Variants in RELN observed in about 807,000 individuals in gnomAD.
The protein encoded by RELN is reelin.
RELN carries 108 observed loss-of-function variants against 427.6 expected under a neutral mutation model. That is an observed-to-expected ratio of 0.25 (90% confidence interval 0.22 to 0.30). RELN has a LOEUF of 0.30. RELN is among the 10% of genes least tolerant of loss of function. RELN has a pLI of 1.00. For missense variants in RELN, 3,715 were observed against 4,302.8 expected (o/e 0.86, Z 3.82); for synonymous variants, 1,524 against 1,513.4 (o/e 1.01, Z -0.16).
intron 2 of RELN, among the ~76,000 whole-genome samples, chr7:103,878,390 G>C (rs1316459891): frequency 1.3e-5 from 2 of 152,032 alleles, no homozygotes; most frequent in East Asian, 3.9e-4. Context: ...CCAAATTGTG[G>C]GATATTTATC....
At chr7:103,937,299 C>A (rs1353929243) in intron 1 of RELN, among the ~76,000 whole-genome samples, 1 of 152,190 alleles carries the variant, frequency 6.6e-6, no homozygotes, top group Non-Finnish European at 1.5e-5. Context: ...TTAGAGACTG[C>A]AATTTGGAGG....
chr7:103,925,529 T>A (rs1795713383), intron 1 of RELN, among the ~76,000 whole-genome samples: 1 of 152,150 alleles, frequency 6.6e-6, no homozygotes, highest in Non-Finnish European at 1.5e-5. Flanking sequence ...ATAATACTCA[T>A]CCATGAAAAT....
At chr7:103,530,344 G>A (rs1584268280) in intron 46 of RELN, among the ~76,000 whole-genome samples, 1 of 152,300 alleles carries the variant, frequency 6.6e-6, no homozygotes, top group African/African-American at 2.4e-5. Flanking sequence ...ATTAGTGACT[G>A]GGTTTTAATC....
Position 103,926,099 on chromosome 7 carries a change from C to CTTTTTTTTTTTT in RELN, c.227-8926_227-8915dup, listed in dbSNP as rs55899563. Among the ~76,000 whole-genome samples the CTTTTTTTTTTTT allele has an allele frequency of 4.9e-4, 44 of 90,060 alleles. 4 individuals are homozygous for CTTTTTTTTTTTT. Among genetic ancestry groups the CTTTTTTTTTTTT allele is most frequent in the African/African-American group, 4.8e-4 (11 of 22,886 alleles). 59.1% of individuals were successfully genotyped at this position (90,060 alleles called of 152,430 possible). A position where few individuals can be genotyped will look rare whatever the true frequency, so the allele number is the denominator to read the frequency against. On this transcript the variant is annotated intron_variant, in intron 1 of 64. Coordinates refer to ENST00000428762, the MANE Select transcript of RELN (RefSeq NM_005045.4). ...CATAAATATATGACCCCCACCCCGC[C>CTTTTTTTTTTTT]TTTTTTTTTTTTTTTTTTTTGAGAT...
intron 3 of RELN, among the ~76,000 whole-genome samples, chr7:103,831,830 A>G (rs1327103969): frequency 1.3e-5 from 2 of 152,166 alleles, no homozygotes; most frequent in African/African-American, 4.8e-5. Flanking sequence ...GCTTAGCCAA[A>G]TTTTGAGTAA....
At position 103,654,209 on chromosome 7, in the gene RELN, C is replaced by A. The variant is rs757926281; in HGVS notation, c.1442-4G>T. 3 of 1,570,430 alleles carry A rather than the reference C, an allele frequency of 1.9e-6. No homozygotes were observed. Among genetic ancestry groups the A allele is most frequent in the Admixed American group, 1.7e-5 (1 of 59,702 alleles). ...TTTCCAGGGTCACAAATTCCTCCTG[C>A]ACAAAACAAAAATTTTAAGTTGCTA... On this transcript the variant is annotated splice_polypyrimidine_tract_variant and splice_region_variant and intron_variant, in intron 12 of 64. Transcript: ENST00000428762.
chr7:103,863,196 C>G (rs985924765), intron 2 of RELN, among the ~76,000 whole-genome samples: 1 of 152,010 alleles, frequency 6.6e-6, no homozygotes, highest in African/African-American at 2.4e-5. Context: ...GTGAAGGTGT[C>G]AAGATGCTTA....
At chr7:103,532,348 G>A (rs1050519352) in intron 46 of RELN, among the ~76,000 whole-genome samples, 1 of 152,040 alleles carries the variant, frequency 6.6e-6, no homozygotes, top group African/African-American at 2.4e-5. Context: ...TGGATGCTGG[G>A]CTTAGTACCT....
intron 16 of RELN, among the ~76,000 whole-genome samples, chr7:103,643,133 T>C (rs1038263470): frequency 6.6e-6 from 1 of 152,098 alleles, no homozygotes; most frequent in Non-Finnish European, 1.5e-5. Flanking sequence ...GTCTAAATTA[T>C]TAAAAAATAA....
At chr7:103,693,169 G>A (rs1281968672) in intron 10 of RELN, among the ~76,000 whole-genome samples, 1 of 152,106 alleles carries the variant, frequency 6.6e-6, no homozygotes, top group African/African-American at 2.4e-5. Context: ...CAGCCATATG[G>A]AAGGATGAGT....
At chr7:103,543,477 C>T (rs190680942) in intron 42 of RELN, among the ~76,000 whole-genome samples, 7 of 152,196 alleles carry the variant, frequency 4.6e-5, no homozygotes, top group Non-Finnish European at 7.4e-5. Flanking sequence ...AAAACCCTGT[C>T]TCTACTAAAA....
intron 6 of RELN, among the ~76,000 whole-genome samples, chr7:103,742,267 C>T (rs537851438): frequency 2.6e-5 from 4 of 152,218 alleles, no homozygotes; most frequent in Admixed American, 6.5e-5. Flanking sequence ...CCCATCTGTA[C>T]GTCACCATCA....
chr7:103,919,374 T>C (rs987281744), intron 1 of RELN, among the ~76,000 whole-genome samples: 10 of 152,066 alleles, frequency 6.6e-5, no homozygotes, highest in Admixed American at 6.6e-4. Context: ...CCATGAGCAG[T>C]ATAAAGGAGC....
intron 1 of RELN, among the ~76,000 whole-genome samples, chr7:103,929,522 G>A (rs961972457): frequency 2.0e-5 from 3 of 152,248 alleles, no homozygotes; most frequent in African/African-American, 4.8e-5. Flanking sequence ...TTCATCAACT[G>A]ATCATACATA....
intron 8 of RELN, among the ~76,000 whole-genome samples, chr7:103,720,698 T>C (rs996299461): frequency 3.9e-5 from 6 of 152,144 alleles, no homozygotes; most frequent in African/African-American, 1.4e-4. Flanking sequence ...TTGGATTGGT[T>C]GGATTCATTT....
intron 11 of RELN, among the ~76,000 whole-genome samples, chr7:103,673,751 T>TA (rs149775936): frequency 0.02 from 3,010 of 152,198 alleles, 87 homozygotes; most frequent in African/African-American, 0.068. Context: ...CTGCTTCCTT[T>TA]AAAAAAATGC....
In RELN at chr7:103,627,191, G is replaced by T. The variant is rs927780503; in HGVS notation, c.2702+2749C>A. The stretch of plus-strand genomic sequence containing the variant: ...ACATATATATTTCAAAATTTCCCTT[G>T]AGAGAAAAAAGGTCATTGAAGGGCA... On this transcript the variant is annotated intron_variant, in intron 20 of 64. Transcript: ENST00000428762. Among the ~76,000 whole-genome samples the T allele has an allele frequency of 2.0e-5, 3 of 151,928 alleles. No homozygotes were observed. In the South Asian group the frequency reaches 6.2e-4, roughly 32 times the overall value.
intron 46 of RELN, among the ~76,000 whole-genome samples, chr7:103,529,190 A>G (rs1324431993): frequency 1.3e-5 from 2 of 151,806 alleles, no homozygotes; most frequent in Admixed American, 1.3e-4. Context: ...ATAGCCTCCC[A>G]TCCCCATCTC....
intron 7 of RELN, among the ~76,000 whole-genome samples, chr7:103,725,034 T>C (rs1007569374): frequency 4.6e-5 from 7 of 152,154 alleles, no homozygotes; most frequent in South Asian, 4.1e-4. Context: ...ATGGTAACTA[T>C]GAATGGCTGA....
Sources: allele counts gnomAD v4.1 joint callset (sites outside exome capture counted in the v4.1 genomes callset), GRCh38; gene constraint gnomAD v4.1.1; transcripts MANE v1.5; gene names NCBI Gene and HGNC (gene_info 2026-07-23, HGNC 2026-07-21).